Variants in SLC24A2 observed in about 807,000 individuals in gnomAD.
The protein encoded by SLC24A2 is sodium/potassium/calcium exchanger 2.
In SLC24A2, 36 loss-of-function variants were observed where a neutral mutation model predicts 62.0. The observed-to-expected ratio is 0.58, with a 90% CI of 0.44 to 0.77. SLC24A2 has a LOEUF of 0.77. Among genes scored for constraint, SLC24A2 ranks in the 30% least tolerant of loss-of-function variants. The pLI, the probability that SLC24A2 is intolerant of heterozygous loss-of-function variation, is 0.00. For synonymous variants in SLC24A2, 358 were observed against 294.0 expected (o/e 1.22, Z -2.23); for missense variants, 846 against 817.9 (o/e 1.03, Z -0.42).
At chr9:19,623,396 A>G (rs867050979) in intron 2 of SLC24A2, among the ~76,000 whole-genome samples, 1 of 152,052 alleles carries the variant, frequency 6.6e-6, no homozygotes, top group Middle Eastern at 3.2e-3. Flanking sequence ...ACAGTTTTAA[A>G]ACCTTCATGT....
intron 6 of SLC24A2, among the ~76,000 whole-genome samples, chr9:19,576,056 C>T (rs1204847114): frequency 6.6e-6 from 1 of 152,132 alleles, no homozygotes; most frequent in Non-Finnish European, 1.5e-5. Flanking sequence ...CTTTTCGTAT[C>T]TAATTGCATC....
the SLC24A2 span, among the ~76,000 whole-genome samples, chr9:20,203,364 T>C: frequency 2.0e-5 from 3 of 152,192 alleles, no homozygotes; most frequent in Non-Finnish European, 2.9e-5. Context: ...CCCTGAAAGT[T>C]AGCATGTGAA....
At chr9:19,939,051 C>A in the SLC24A2 span, among the ~76,000 whole-genome samples, 23 of 152,178 alleles carry the variant, frequency 1.5e-4, no homozygotes, top group African/African-American at 4.8e-4. Context: ...ATGTCCGTAA[C>A]TATTATGGCA....
At chr9:20,083,260 T>C in the SLC24A2 span, among the ~76,000 whole-genome samples, 2 of 152,362 alleles carry the variant, frequency 1.3e-5, no homozygotes, top group South Asian at 4.1e-4. Context: ...CTACTTGCTC[T>C]TTGGGGCTCC....
chr9:20,072,435 T>C, the SLC24A2 span, among the ~76,000 whole-genome samples: 1 of 152,192 alleles, frequency 6.6e-6, no homozygotes, highest in Admixed American at 6.5e-5. Flanking sequence ...AGGATTATAA[T>C]AAAAGACTGT....
At chr9:20,026,052 C>A in the SLC24A2 span, among the ~76,000 whole-genome samples, 1 of 152,146 alleles carries the variant, frequency 6.6e-6, no homozygotes, top group African/African-American at 2.4e-5. Flanking sequence ...CTGCTACTTC[C>A]TAACTAGGTG....
chr9:19,881,207 A>G, the SLC24A2 span, among the ~76,000 whole-genome samples: 10 of 152,196 alleles, frequency 6.6e-5, no homozygotes, highest in Admixed American at 3.3e-4. Context: ...ACAGAGTTCA[A>G]AGACTGAGAC....
chr9:20,137,646 T>A, the SLC24A2 span, among the ~76,000 whole-genome samples: 1 of 152,178 alleles, frequency 6.6e-6, no homozygotes, highest in African/African-American at 2.4e-5. Context: ...TAAAAATCAA[T>A]CCAGGACCTT....
intron 2 of SLC24A2, among the ~76,000 whole-genome samples, chr9:19,637,670 G>C (rs1179967687): frequency 2.0e-5 from 3 of 152,190 alleles, no homozygotes; most frequent in Admixed American, 2.0e-4. Context: ...CCTAGTTTTA[G>C]AATGATCAGT....
At chr9:19,754,965 A>G (rs1822095955) in intron 2 of SLC24A2, among the ~76,000 whole-genome samples, 1 of 152,100 alleles carries the variant, frequency 6.6e-6, no homozygotes, top group South Asian at 2.1e-4. Flanking sequence ...CTCTCTTTAA[A>G]ATAATAAGAT....
the SLC24A2 span, among the ~76,000 whole-genome samples, chr9:20,044,833 A>C: frequency 2.0e-5 from 3 of 152,144 alleles, no homozygotes; most frequent in Non-Finnish European, 4.4e-5. Context: ...ATACTCAGTG[A>C]AGCAAAAATT....
At chr9:19,548,511 G>A (rs115503141) in intron 8 of SLC24A2, among the ~76,000 whole-genome samples, 72 of 152,236 alleles carry the variant, frequency 4.7e-4, no homozygotes, top group African/African-American at 1.7e-3. Context: ...CAAGGCCTTG[G>A]GCTCTCAGGG....
the SLC24A2 span, among the ~76,000 whole-genome samples, chr9:20,145,988 C>T: frequency 6.6e-6 from 1 of 151,934 alleles, no homozygotes; most frequent in African/African-American, 2.4e-5. Flanking sequence ...CTAATGGTTG[C>T]ATAGTATGGC....
chr9:19,641,478 A>C (rs933288208), intron 2 of SLC24A2, among the ~76,000 whole-genome samples: 4 of 151,910 alleles, frequency 2.6e-5, no homozygotes, highest in African/African-American at 9.7e-5. Flanking sequence ...ATATTACAAA[A>C]CATCTTCACA....
chr9:20,054,052 T>C, the SLC24A2 span, among the ~76,000 whole-genome samples: 3 of 152,234 alleles, frequency 2.0e-5, no homozygotes, highest in Admixed American at 1.3e-4. Flanking sequence ...TGTGTCAGTT[T>C]GATAGGGGTC....
At chr9:20,284,454 T>G in the SLC24A2 span, among the ~76,000 whole-genome samples, 1 of 152,022 alleles carries the variant, frequency 6.6e-6, no homozygotes, top group African/African-American at 2.4e-5. Flanking sequence ...AGGTACATTA[T>G]CTTAATAACT....
chr9:19,532,537 T>C (rs965120634), intron 8 of SLC24A2, among the ~76,000 whole-genome samples: 48 of 152,340 alleles, frequency 3.2e-4, no homozygotes, highest in African/African-American at 1.1e-3. Context: ...TTTCAATCTG[T>C]GATTGTTTGA....
At position 19,694,658 on chromosome 9, in the gene SLC24A2, T is replaced by C. The variant is rs563952247; in HGVS notation, c.931-72359A>G. On this transcript the variant is annotated intron_variant, in intron 2 of 10. Coordinates refer to ENST00000341998, the MANE Select transcript of SLC24A2 (RefSeq NM_020344.4). ...CATATTTTAAAATTCACTTTAGGAA[T>C]TTATCATAAAGAGTTCAGATATGCA... Among the ~76,000 whole-genome samples the C allele has an allele frequency of 9.2e-5, 14 of 152,258 alleles. No homozygotes were observed. The South Asian group carries it at 2.9e-3, about 32-fold the overall frequency.
At chr9:19,523,906 A>G (rs973440432) in intron 9 of SLC24A2, among the ~76,000 whole-genome samples, 3 of 152,196 alleles carry the variant, frequency 2.0e-5, no homozygotes, top group Non-Finnish European at 4.4e-5. Context: ...TTCATTAGAC[A>G]TCAAACCCCT....
Sources: gnomAD v4.1 joint callset for allele counts (sites outside exome capture counted in the v4.1 genomes callset) on GRCh38, gnomAD v4.1.1 for gene constraint, MANE v1.5 for transcripts, NCBI Gene and HGNC (gene_info 2026-07-23, HGNC 2026-07-21) for gene names.